RBFOX1: variants seen among roughly 807,000 people sequenced by gnomAD.
RBFOX1 encodes RNA binding fox-1 homolog 1.
Under a neutral mutation model 57.7 loss-of-function variants are expected in RBFOX1, and 8 were observed. That is an observed-to-expected ratio of 0.14 (90% CI 0.08 to 0.25). The LOEUF is 0.25. Ranked by LOEUF, RBFOX1 falls within the 10% of genes least tolerant of loss-of-function variation. RBFOX1 has a pLI of 1.00. For synonymous variants in RBFOX1, 326 were observed against 222.4 expected (o/e 1.47, Z -4.15); for missense variants, 611 against 548.5 (o/e 1.11, Z -1.14).
At chr16:6,081,444 A>C (rs1168292532) in intron 1 of RBFOX1, among the ~76,000 whole-genome samples, 3 of 152,128 alleles carry the variant, frequency 2.0e-5, no homozygotes, top group African/African-American at 7.2e-5. Context: ...TTACACTAGG[A>C]TGCTTCTGAG....
chr16:5,547,743 C>T (rs1356071269), intron 2 of RBFOX1, among the ~76,000 whole-genome samples: 1 of 152,132 alleles, frequency 6.6e-6, no homozygotes, highest in Non-Finnish European at 1.5e-5. Flanking sequence ...ATGTCCTGTG[C>T]AGCAATATGG....
intron 2 of RBFOX1, among the ~76,000 whole-genome samples, chr16:6,524,370 C>T (rs1010122737): frequency 2.0e-5 from 3 of 152,192 alleles, no homozygotes; most frequent in Admixed American, 6.5e-5. Context: ...GTGCATACCA[C>T]ACTTGCTGTG....
At chr16:7,468,657 G>C (rs2060972724) in intron 4 of RBFOX1, among the ~76,000 whole-genome samples, 1 of 152,092 alleles carries the variant, frequency 6.6e-6, no homozygotes, top group African/African-American at 2.4e-5. Context: ...AATGCCAGAG[G>C]ACACATGCAT....
intron 2 of RBFOX1, among the ~76,000 whole-genome samples, chr16:6,593,236 G>T (rs949497930): frequency 2.6e-5 from 4 of 152,044 alleles, no homozygotes; most frequent in Non-Finnish European, 5.9e-5. Flanking sequence ...CCTCTTCCAC[G>T]TACCCATCTC....
At chr16:6,682,610 C>G (rs2058823219) in intron 3 of RBFOX1, among the ~76,000 whole-genome samples, 2 of 151,952 alleles carry the variant, frequency 1.3e-5, no homozygotes, top group African/African-American at 4.8e-5. Flanking sequence ...GTTCTGGCCT[C>G]CAACCGCCAG....
chr16:6,072,714 T>A (rs565684781), intron 1 of RBFOX1, among the ~76,000 whole-genome samples: 1 of 152,240 alleles, frequency 6.6e-6, no homozygotes, highest in South Asian at 2.1e-4. Flanking sequence ...TCCCTATGTT[T>A]AGTGAGCTGT....
intron 5 of RBFOX1, chr16:7,519,636 A>G: frequency 1.1e-6 from 1 of 951,464 alleles, no homozygotes; most frequent in East Asian, 1.2e-4. Context: ...TGGAACATGC[A>G]TTTGGGAACC....
At chr16:6,825,135 T>A (rs1490107782) in intron 3 of RBFOX1, among the ~76,000 whole-genome samples, 1 of 151,286 alleles carries the variant, frequency 6.6e-6, no homozygotes, top group Non-Finnish European at 1.5e-5. Flanking sequence ...TAGCTAGGAT[T>A]AACAACCTCA....
At chr16:6,385,741 C>T (rs961507275) in intron 2 of RBFOX1, among the ~76,000 whole-genome samples, 1 of 152,214 alleles carries the variant, frequency 6.6e-6, no homozygotes, top group Non-Finnish European at 1.5e-5. Flanking sequence ...AGCACAGTGA[C>T]TCATGCGTCA....
intron 1 of RBFOX1, among the ~76,000 whole-genome samples, chr16:5,322,635 C>T (rs1444666962): frequency 6.6e-6 from 1 of 152,196 alleles, no homozygotes; most frequent in Non-Finnish European, 1.5e-5. Flanking sequence ...CTGGAGCCCC[C>T]AGTCTTCCCC....
At chr16:6,844,065 C>T in intron 3 of RBFOX1, among the ~76,000 whole-genome samples, 1 of 152,202 alleles carries the variant, frequency 6.6e-6, no homozygotes, top group East Asian at 1.9e-4. Context: ...CTCTGTCTCT[C>T]TCTCCCCACC....
intron 4 of RBFOX1, among the ~76,000 whole-genome samples, chr16:7,128,894 C>A (rs1011045019): frequency 6.7e-6 from 1 of 148,308 alleles, no homozygotes; most frequent in African/African-American, 2.5e-5. Flanking sequence ...AATCTCGGCT[C>A]ACTGCAACCT....
At chr16:6,624,944 C>T (rs1394797558) in intron 2 of RBFOX1, among the ~76,000 whole-genome samples, 1 of 152,008 alleles carries the variant, frequency 6.6e-6, no homozygotes, top group Admixed American at 6.6e-5. Context: ...GCAGGTGGAT[C>T]ACTTGAGGTC....
chr16:6,937,332 T>C (rs939923244), intron 3 of RBFOX1, among the ~76,000 whole-genome samples: 1 of 152,182 alleles, frequency 6.6e-6, no homozygotes, highest in African/African-American at 2.4e-5. Flanking sequence ...CCACCCCACA[T>C]GCACAATGTA....
At position 6,607,609 on chromosome 16, in the gene RBFOX1, CTT is replaced by C. The variant is rs1383000371; in HGVS notation, c.-63-46992_-63-46991del. On this transcript the variant is annotated intron_variant, in intron 2 of 15. Transcript: ENST00000550418. The stretch of plus-strand genomic sequence containing the variant: ...TCCCTCCTCTCTCTCTCTCCTCTCT[CTT>C]TCTCTCTCTTCTTCCTCCTCTATCT... Among the ~76,000 whole-genome samples the C allele has an allele frequency of 3.4e-3, 514 of 151,726 alleles. 8 individuals carry two copies. Among genetic ancestry groups the C allele is most frequent in the African/African-American group, 0.011 (475 of 41,394 alleles).
chr16:7,308,584 G>T (rs1385696172), intron 4 of RBFOX1, among the ~76,000 whole-genome samples: 1 of 152,176 alleles, frequency 6.6e-6, no homozygotes, highest in Non-Finnish European at 1.5e-5. Flanking sequence ...GATCCATGTG[G>T]TTTGTTTTAA....
At chr16:5,845,339 C>T (rs1169675317) in intron 3 of RBFOX1, among the ~76,000 whole-genome samples, 1 of 152,164 alleles carries the variant, frequency 6.6e-6, no homozygotes, top group African/African-American at 2.4e-5. Context: ...GGGAATATTC[C>T]TCTCCAGCCT....
chr16:7,350,315 T>A (rs536814286), intron 4 of RBFOX1, among the ~76,000 whole-genome samples: 9 of 152,102 alleles, frequency 5.9e-5, no homozygotes, highest in African/African-American at 2.2e-4. Context: ...AGTCCTGAGA[T>A]GGAATGAAAT....
chr16:5,535,726 A>G (rs993459868), intron 2 of RBFOX1, among the ~76,000 whole-genome samples: 3 of 152,274 alleles, frequency 2.0e-5, no homozygotes, highest in Non-Finnish European at 2.9e-5. Flanking sequence ...CTGTTTCCCT[A>G]TCAAGCCAAG....
Sources: allele counts gnomAD v4.1 joint callset (sites outside exome capture counted in the v4.1 genomes callset), GRCh38; gene constraint gnomAD v4.1.1; transcripts MANE v1.5; gene names NCBI Gene and HGNC (gene_info 2026-07-23, HGNC 2026-07-21).